Variants in CLUL1 observed in about 807,000 individuals in gnomAD.
The protein encoded by CLUL1 is clusterin like 1, also known as clusterin-like protein 1.
Under a neutral mutation model 49.4 loss-of-function variants are expected in CLUL1, and 43 were observed. The ratio of observed to expected loss-of-function variants is 0.87; its 90% confidence interval spans 0.68 to 1.12. The LOEUF is 1.12. Among genes scored for constraint, CLUL1 ranks in the 50% most tolerant of loss-of-function variants. The probability of loss-of-function intolerance (pLI) is 0.00; values close to 1 mark genes in which losing one functional copy is unlikely to be tolerated. For missense variants in CLUL1, 486 were observed against 544.4 expected, an observed-to-expected ratio of 0.89 and a Z score of 1.07; for synonymous variants, 192 against 184.9, an observed-to-expected ratio of 1.04 and a Z score of -0.31.
At chr18:598,614 G>A (rs2072727549) in intron 1 of CLUL1, 4 of 398,420 alleles carry the variant, frequency 1.0e-5, no homozygotes, top group South Asian at 1.3e-4. Flanking sequence ...CCTGGGGTTT[G>A]TGTCACAACC....
intron 6 of CLUL1, among the ~76,000 whole-genome samples, chr18:628,228 T>C (rs1341758268): frequency 9.2e-5 from 14 of 152,258 alleles, no homozygotes; most frequent in Admixed American, 9.2e-4. Flanking sequence ...ACTCCCAGTT[T>C]GAGAAGCCCA....
intron 7 of CLUL1, among the ~76,000 whole-genome samples, chr18:634,365 C>A (rs4267405): frequency 6.6e-6 from 1 of 152,264 alleles, no homozygotes; most frequent in East Asian, 1.9e-4. Context: ...AACTCCTGAC[C>A]TTGTGATCCG....
chr18:603,172 A>T (rs956138712), intron 1 of CLUL1, among the ~76,000 whole-genome samples: 1 of 152,220 alleles, frequency 6.6e-6, no homozygotes, highest in Non-Finnish European at 1.5e-5. Flanking sequence ...CTACACTGGC[A>T]TCAGCTGGGA....
At chr18:603,391 G>C (rs58116063) in intron 1 of CLUL1, among the ~76,000 whole-genome samples, 27,188 of 152,136 alleles carry the variant, frequency 0.18, 2,944 homozygotes, top group African/African-American at 0.3. Flanking sequence ...GCAGAAGTAG[G>C]GAGGTAAATG....
At chr18:637,062 G>C (rs1159624208) in intron 7 of CLUL1, among the ~76,000 whole-genome samples, 2 of 149,818 alleles carry the variant, frequency 1.3e-5, no homozygotes, top group Non-Finnish European at 3.0e-5. Context: ...TCTTGGCTCA[G>C]TGCAACCTCC....
At chr18:621,723 G>C (rs888568615) in intron 4 of CLUL1, among the ~76,000 whole-genome samples, 20 of 152,154 alleles carry the variant, frequency 1.3e-4, no homozygotes, top group Admixed American at 1.0e-3. Flanking sequence ...TGAGATGTTT[G>C]TTAATTAACA....
At chr18:648,390 AG>A (rs1419862956) in intron 9 of CLUL1, among the ~76,000 whole-genome samples, 11 of 152,214 alleles carry the variant, frequency 7.2e-5, no homozygotes, top group Admixed American at 2.0e-4. Flanking sequence ...TTTTTTATGT[AG>A]TTTTAAAATT....
At chr18:636,372 A>G (rs1465673877) in intron 7 of CLUL1, among the ~76,000 whole-genome samples, 1 of 152,060 alleles carries the variant, frequency 6.6e-6, no homozygotes, top group Admixed American at 6.5e-5. Flanking sequence ...CTTTTATTTA[A>G]TCACCTTGCT....
chr18:609,829 A>G (rs931656053), intron 2 of CLUL1, among the ~76,000 whole-genome samples: 9 of 151,666 alleles, frequency 5.9e-5, no homozygotes, highest in Non-Finnish European at 1.3e-4. Flanking sequence ...GTCTCAAAAA[A>G]AAAAAAAAAA....
At position 645,035 on chromosome 18, in the gene CLUL1, T is replaced by C; in HGVS notation, c.1335T>C (p.Ser445=). The C allele has an allele frequency of 3.1e-6, 5 of 1,612,882 alleles. No individual in the cohort carries two copies. Among genetic ancestry groups the C allele is most frequent in the Non-Finnish European group, 4.2e-6 (5 of 1,179,494 alleles). Residue 445 remains serine (S), a synonymous_variant, in exon 9 of 10, where the codon TCT becomes TCC. Coordinates refer to ENST00000692774, the MANE Select transcript of CLUL1 (RefSeq NM_001393344.1). ...KIPLEESAES[S]NFIGYVVAKA... ...CTCTTGAAGAAAGTGCTGAGAGTTC[T>C]AACTTCATTGGCTACGTAGTGGCAA...
chr18:619,456 G>C lies in CLUL1; in HGVS notation c.255+95G>C, dbSNP rs1056325596. ...ATTGATGAATTACTTATTTTCCTTA[G>C]TAATAAATTTCATGGGTAGCTGCTT... On this transcript the variant is annotated intron_variant, in intron 4 of 9. Coordinates refer to ENST00000692774, the MANE Select transcript of CLUL1 (RefSeq NM_001393344.1). 27 of 1,192,882 alleles carry C rather than the reference G, an allele frequency of 2.3e-5. No individual in the cohort carries two copies. In the Admixed American group the frequency reaches 3.3e-4, roughly 14 times the overall value. 73.9% of individuals were successfully genotyped at this position (1,192,882 alleles called of 1,614,324 possible).
chr18:611,358 T>C (rs1352866156), intron 2 of CLUL1, among the ~76,000 whole-genome samples: 1 of 151,618 alleles, frequency 6.6e-6, no homozygotes, highest in Admixed American at 6.6e-5. Context: ...GATCGAGAGG[T>C]TGAAGAACCC....
intron 7 of CLUL1, among the ~76,000 whole-genome samples, chr18:640,118 T>C (rs1168821768): frequency 6.6e-6 from 1 of 152,080 alleles, no homozygotes; most frequent in African/African-American, 2.4e-5. Context: ...CAACAGTAAA[T>C]AGTAAAGCCA....
chr18:618,186 A>G lies in CLUL1; in HGVS notation c.106+80A>G. ...TGGCGTTTATAGTGAGTCGCAGTTG[A>G]GAGATAACCATATTCGCTGTTTTCA... On this transcript the variant is annotated intron_variant, in intron 3 of 9. Coordinates refer to ENST00000692774, the MANE Select transcript of CLUL1 (RefSeq NM_001393344.1). The surrounding 1 kb of genome is among the most constrained non-coding windows in gnomAD (Gnocchi z 4.2). 1.9e-6 allele frequency: 2 copies of G among 1,036,552 alleles called. No individual in the cohort carries two copies. Among genetic ancestry groups the G allele is most frequent in the Non-Finnish European group, 1.5e-6 (1 of 669,504 alleles). The allele number at this position is 1,036,552 out of a possible 1,614,324, so 64.2% of individuals were successfully genotyped here.
intron 2 of CLUL1, 112 bp from the exon 3 acceptor site, chr18:617,876 A>G: frequency 3.7e-6 from 3 of 816,140 alleles, no homozygotes; most frequent in South Asian, 1.7e-5. Flanking sequence ...GTCTAAAGTC[A>G]TAAGGAAAAA....
In CLUL1 at chr18:606,171, A is replaced by T. The variant is rs1434452006; in HGVS notation, c.-135-807A>T. ...TGGTATTTAGCGCCTCTGGCTGGGAACGGCTTCCCCATGCTCCTAGGTCAG... is the reference window on the plus strand; with the variant it reads ...TGGTATTTAGCGCCTCTGGCTGGGATCGGCTTCCCCATGCTCCTAGGTCAG... On this transcript the variant is annotated intron_variant, in intron 1 of 9. Transcript: ENST00000692774. This position sits in a 1 kb window ranked among gnomAD's most constrained non-coding sequence, Gnocchi z 4.1. Among the ~76,000 whole-genome samples the T allele has an allele frequency of 6.6e-6, 1 of 152,060 alleles. No homozygotes were observed. Among genetic ancestry groups the T allele is most frequent in the Admixed American group, 6.6e-5 (1 of 15,246 alleles).
intron 6 of CLUL1, among the ~76,000 whole-genome samples, chr18:629,518 A>G (rs566787603): frequency 1.2e-4 from 18 of 152,040 alleles, no homozygotes; most frequent in Non-Finnish European, 2.4e-4. Context: ...ACCCCCTCCC[A>G]CACACCAGCT....
rs995935304 is a variant in CLUL1, at chr18:618,621, G to A, written c.106+515G>A. ...CTAAAATGCAGCTGATTTGGGGTCT[G>A]TAATAATCAGAGTCAAGAATGAGCT... On this transcript the variant is annotated intron_variant, in intron 3 of 9. Coordinates refer to ENST00000692774, the MANE Select transcript of CLUL1 (RefSeq NM_001393344.1). This position sits in a 1 kb window ranked among gnomAD's most constrained non-coding sequence, Gnocchi z 4.2. Among the ~76,000 whole-genome samples, 3 of 152,150 alleles carry A rather than the reference G, an allele frequency of 2.0e-5. No individual in the cohort carries two copies. The highest frequency in any genetic ancestry group is 7.2e-5 in the African/African-American group (3 of 41,442).
At chr18:613,313 AT>A in intron 2 of CLUL1, 1 of 352,590 alleles carries the variant, frequency 2.8e-6, no homozygotes. Context: ...TAATTTTTGT[AT>A]TTTTAGTAAA....
Sources: allele counts gnomAD v4.1 joint callset (sites outside exome capture counted in the v4.1 genomes callset), GRCh38; gene constraint gnomAD v4.1.1; non-coding constraint Gnocchi (gnomAD v3.1); transcripts MANE v1.5; gene names NCBI Gene and HGNC (gene_info 2026-07-23, HGNC 2026-07-21).